Variants in WDR20 observed in about 807,000 individuals in gnomAD.
WDR20 encodes the protein WD repeat domain 20, also known as WD repeat-containing protein 20.
A neutral mutation model predicts 38.7 loss-of-function variants in WDR20; 3 were observed. That is an observed-to-expected ratio of 0.08 (90% CI 0.04 to 0.20). WDR20 has a LOEUF of 0.20. Among genes scored for constraint, WDR20 ranks in the 10% least tolerant of loss-of-function variants. The pLI is 1.00. For synonymous variants in WDR20, 298 were observed against 285.6 expected, an observed-to-expected ratio of 1.04 and a Z score of -0.44; for missense variants, 559 against 727.7, an observed-to-expected ratio of 0.77 and a Z score of 2.67.
chr14:102,213,198 C>T (rs2062774812), downstream of WDR20: 3 of 985,488 alleles, frequency 3.0e-6, no homozygotes, highest in Non-Finnish European at 3.6e-6. Context: ...ACTGGTGGCC[C>T]TGGAGCCTTT....
chr14:102,212,892 A>G (rs903317430), downstream of WDR20: 4 of 1,131,230 alleles, frequency 3.5e-6, no homozygotes, highest in Admixed American at 8.1e-5. Context: ...AATAAAACAC[A>G]GCATTTGGCA....
chr14:102,163,051 G>A (rs764194291), intron 1 of WDR20, among the ~76,000 whole-genome samples: 1 of 152,256 alleles, frequency 6.6e-6, no homozygotes, highest in Non-Finnish European at 1.5e-5. Flanking sequence ...TTCAATATCT[G>A]TTCCCACCAA....
At position 102,189,355 on chromosome 14, in the gene WDR20, A is replaced by G. The variant is rs563975416; in HGVS notation, c.250-5583A>G. Among the ~76,000 whole-genome samples, 8 of 152,364 alleles carry G rather than the reference A, an allele frequency of 5.3e-5. No homozygotes were observed. The South Asian group carries it at 1.0e-3, about 20-fold the overall frequency. The stretch of plus-strand genomic sequence containing the variant: ...TAAAACTATCACTTAAAATTTTTCT[A>G]TTAAGTTGAGAACTTAATAAGTATG... On this transcript the variant is annotated intron_variant, in intron 1 of 2. Coordinates refer to ENST00000342702, the MANE Select transcript of WDR20 (RefSeq NM_144574.4).
intron 1 of WDR20, among the ~76,000 whole-genome samples, chr14:102,166,574 G>A (rs1433578270): frequency 6.6e-6 from 1 of 152,164 alleles, no homozygotes; most frequent in Non-Finnish European, 1.5e-5. Context: ...TTCTGGACTT[G>A]ACAGTTTCTC....
downstream of WDR20, chr14:102,212,814 G>T: frequency 7.4e-7 from 1 of 1,347,180 alleles, no homozygotes; most frequent in Non-Finnish European, 9.6e-7. Flanking sequence ...CTTCCTCATT[G>T]AAATTTTTCA....
chr14:102,155,775 A>G (rs2057220192), intron 1 of WDR20, among the ~76,000 whole-genome samples: 1 of 151,752 alleles, frequency 6.6e-6, no homozygotes, highest in Non-Finnish European at 1.5e-5. Flanking sequence ...AAAATCACAG[A>G]CATTTTTTCC....
chr14:102,151,705 A>C (rs1040705298), intron 1 of WDR20, among the ~76,000 whole-genome samples: 7 of 151,076 alleles, frequency 4.6e-5, no homozygotes, highest in African/African-American at 1.7e-4. Flanking sequence ...TATTTTATAG[A>C]AGAGATATGA....
chr14:102,213,538 A>G, downstream of WDR20: 9 of 985,460 alleles, frequency 9.1e-6, no homozygotes, highest in Non-Finnish European at 1.1e-5. Flanking sequence ...AAAGGCGTTC[A>G]GGAATTCTGA....
Position 102,172,894 on chromosome 14 carries a change from TG to T in WDR20, c.250-22040del, listed in dbSNP as rs1363092754. 9.6e-5 allele frequency among the ~76,000 whole-genome samples: 13 copies of T among 136,034 alleles called. 2 individuals are homozygous for T. The highest frequency in any genetic ancestry group is 1.8e-4 in the Non-Finnish European group (11 of 60,408). 89.2% of individuals were successfully genotyped at this position (136,034 alleles called of 152,430 possible). A position where few individuals can be genotyped will look rare whatever the true frequency, so the allele number is the denominator to read the frequency against. ...GCGGAGGGTCTCCTCCTTTCTCAGA[TG>T]GGGCGGCTGGGCAGCGACGCTCCTC... On this transcript the variant is annotated intron_variant, in intron 1 of 2. Coordinates refer to ENST00000342702, the MANE Select transcript of WDR20 (RefSeq NM_144574.4).
chr14:102,169,560 T>C (rs1282080664), intron 1 of WDR20, among the ~76,000 whole-genome samples: 1 of 152,124 alleles, frequency 6.6e-6, no homozygotes, highest in Admixed American at 6.6e-5. Context: ...AGGTGAAGTC[T>C]CACTCTTGTC....
chr14:102,197,776 A>G (rs1567010925), intron 2 of WDR20: 4 of 702,420 alleles, frequency 5.7e-6, no homozygotes, highest in Admixed American at 2.0e-5. Context: ...GCACTTGTGG[A>G]AGGTGGATTG....
In WDR20 at chr14:102,197,229, C is replaced by T. The variant is rs567597091; in HGVS notation, c.432+2109C>T. 8.5e-5 allele frequency among the ~76,000 whole-genome samples: 13 copies of T among 152,262 alleles called. No homozygotes were observed. In the South Asian group the frequency reaches 2.5e-3, roughly 29 times the overall value. ...ATAGAGTTGGAACCAGAAATTAATT[C>T]CAGAAACTCATTGGTTACAGGACCC... is the stretch of plus-strand genomic sequence containing the variant. On this transcript the variant is annotated intron_variant, in intron 2 of 2. Transcript: ENST00000342702.
At position 102,157,814 on chromosome 14, in the gene WDR20, A is replaced by G. The variant is rs534183776; in HGVS notation, c.249+17642A>G. Among the ~76,000 whole-genome samples the G allele has an allele frequency of 6.2e-4, 95 of 152,232 alleles. 3 individuals carry two copies. The highest frequency in any genetic ancestry group is 3.4e-3 in the Middle Eastern group (1 of 294). ...AGCTTGTGCAAGGCTTGGGGAGGGT[A>G]GGATTATCTTCCTTAGTGGTGGTCA... is the stretch of plus-strand genomic sequence containing the variant. On this transcript the variant is annotated intron_variant, in intron 1 of 2. Transcript: ENST00000342702.
At chr14:102,188,081 T>G (rs2152916835) in intron 1 of WDR20, among the ~76,000 whole-genome samples, 2 of 152,330 alleles carry the variant, frequency 1.3e-5, no homozygotes, top group Middle Eastern at 3.4e-3. Flanking sequence ...AAACTACCTT[T>G]ATTACCTACA....
rs544633832 is a variant in WDR20, at chr14:102,175,449, A to G, written c.250-19489A>G. 2.6e-5 allele frequency among the ~76,000 whole-genome samples: 4 copies of G among 152,266 alleles called. No individual in the cohort carries two copies. In the East Asian group the frequency reaches 5.8e-4, roughly 22 times the overall value. On this transcript the variant is annotated intron_variant, in intron 1 of 2. Coordinates refer to ENST00000342702, the MANE Select transcript of WDR20 (RefSeq NM_144574.4). ...CCAGTACTATGCTGTTTTGGTGACT[A>G]TAGCCATATAGTATAGTGTGAAGCC...
rs1349125343 is a variant in WDR20 at position 102,140,068 on chromosome 14, C to G, written c.145C>G (p.Arg49Gly). 1.9e-6 allele frequency: 3 copies of G among 1,614,212 alleles called. No individual in the cohort carries two copies. Among genetic ancestry groups the G allele is most frequent in the Non-Finnish European group, 2.5e-6 (3 of 1,180,026 alleles). Reference sequence around the variant, plus strand: ...CAACTCGCAGGGATCCAACCCTGTCCGCGTCTCCTTCGTAAACCTCAACGA... The same window carrying G: ...CAACTCGCAGGGATCCAACCCTGTCGGCGTCTCCTTCGTAAACCTCAACGA... The part of the protein sequence containing the change: ...PFNSQGSNPV[R>G]VSFVNLNDQS... Residue 49 changes from arginine (R) to glycine (G), a missense_variant, in exon 1 of 3, where the codon CGC becomes GGC. Coordinates refer to ENST00000342702, the MANE Select transcript of WDR20 (RefSeq NM_144574.4).
Position 102,140,021 on chromosome 14 carries a change from G to A in WDR20, c.98G>A (p.Ser33Asn). Reference protein sequence around the residue: ...LYKLLPHSEYSRPNRVPFNSQ... With the variant: ...LYKLLPHSEYNRPNRVPFNSQ... ...AAGCTGCTGCCGCACTCGGAGTACAGCCGGCCCAACCGGGTGCCCTTCAAC... is the reference window on the plus strand; with the variant it reads ...AAGCTGCTGCCGCACTCGGAGTACAACCGGCCCAACCGGGTGCCCTTCAAC... Residue 33 changes from serine to asparagine, a missense_variant, in exon 1 of 3, where the codon AGC (serine) becomes AAC (asparagine). Physicochemically the swap from Ser to Asn is conservative, Grantham distance 46. Transcript: ENST00000342702. 1 of 1,614,206 alleles carries A rather than the reference G, an allele frequency of 6.2e-7. No homozygotes were observed. The highest frequency in any genetic ancestry group is 2.2e-5 in the East Asian group (1 of 44,884).
intron 1 of WDR20, among the ~76,000 whole-genome samples, chr14:102,152,541 A>G (rs1045945554): frequency 1.7e-4 from 26 of 151,440 alleles, no homozygotes; most frequent in Admixed American, 1.3e-4. Context: ...CAGACTCCCG[A>G]GTAGCTGGGA....
At chr14:102,163,627 C>CAAAAAAAAAAAAAAAAAAAAAAA in intron 1 of WDR20, among the ~76,000 whole-genome samples, 1 of 62,834 alleles carries the variant, frequency 1.6e-5, no homozygotes, top group Non-Finnish European at 2.6e-5. Flanking sequence ...GACTCTGTCT[C>CAAAAAAAAAAAAAAAAAAAAAAA]AAAAAAAAAA....
Sources: allele counts gnomAD v4.1 joint callset (sites outside exome capture counted in the v4.1 genomes callset), GRCh38; gene constraint gnomAD v4.1.1; transcripts MANE v1.5; gene names NCBI Gene and HGNC (gene_info 2026-07-23, HGNC 2026-07-21).